The following URI1 variants were observed in gnomAD, a reference collection of about 807,000 sequenced individuals.
URI1 encodes URI1 prefoldin like chaperone, also known as unconventional prefoldin RPB5 interactor 1.
Under a neutral mutation model 60.2 loss-of-function variants are expected in URI1, and 39 were observed. The observed-to-expected ratio is 0.65, with a 90% CI of 0.50 to 0.85. The LOEUF is 0.85. URI1 is among the 40% of genes least tolerant of loss of function. The probability of loss-of-function intolerance (pLI) is 0.00; values close to 1 mark genes in which losing one functional copy is unlikely to be tolerated. For synonymous variants in URI1, 251 were observed against 236.8 expected (o/e 1.06, Z -0.55); for missense variants, 691 against 665.9 (o/e 1.04, Z -0.42).
At chr19:29,990,617 A>G (rs1037987590) in intron 4 of URI1, among the ~76,000 whole-genome samples, 19 of 152,222 alleles carry the variant, frequency 1.2e-4, no homozygotes, top group African/African-American at 4.6e-4. Context: ...ACCAGTCACA[A>G]AAGACCATAT....
chr19:29,938,957 T>G (rs1267723869), upstream of URI1, among the ~76,000 whole-genome samples: 1 of 147,814 alleles, frequency 6.8e-6, no homozygotes, highest in Admixed American at 6.8e-5. Flanking sequence ...ATTACAGACA[T>G]GAGCCACTGT....
intron 4 of URI1, among the ~76,000 whole-genome samples, chr19:29,995,201 C>G (rs1007517194): frequency 6.6e-6 from 1 of 152,132 alleles, no homozygotes; most frequent in Middle Eastern, 3.4e-3. Context: ...ACACTTGTTA[C>G]TATATTTTTT....
At chr19:29,996,287 A>G (rs1025812954) in intron 4 of URI1, among the ~76,000 whole-genome samples, 4 of 152,110 alleles carry the variant, frequency 2.6e-5, no homozygotes, top group African/African-American at 7.2e-5. Context: ...GCAACACTTT[A>G]TAGTTTTTAG....
chr19:30,005,234 T>G, intron 4 of URI1, 127 bp from the exon 5 acceptor site: 1 of 562,112 alleles, frequency 1.8e-6, no homozygotes, highest in Non-Finnish European at 3.1e-6. Context: ...AAAAGGAAAA[T>G]AGTGTAAGAT....
chr19:29,986,283 T>C lies in URI1; in HGVS notation c.233T>C (p.Val78Ala). The C allele has an allele frequency of 6.3e-7, 1 of 1,582,408 alleles. No individual in the cohort carries two copies. The highest frequency in any genetic ancestry group is 8.5e-7 in the Non-Finnish European group (1 of 1,171,798). The change falls in exon 4 of 11, where the codon GTA (valine) becomes GCA (alanine). Residue 78 changes from valine to alanine, a missense_variant and splice_region_variant. Transcript: ENST00000392271. ...LPDKLSYNIM[V>A]PFGPFAFMPG... Reference sequence around the variant, plus strand: ...TTTTTCTTTTTTTTTAAACAATAGGTACCATTTGGCCCTTTTGCCTTCATG... The same window carrying C: ...TTTTTCTTTTTTTTTAAACAATAGGCACCATTTGGCCCTTTTGCCTTCATG...
intron 4 of URI1, among the ~76,000 whole-genome samples, chr19:29,990,807 A>C (rs1307934451): frequency 1.3e-5 from 2 of 152,212 alleles, no homozygotes; most frequent in African/African-American, 2.4e-5. Flanking sequence ...TGGTTGCACA[A>C]CCCTTTGAAT....
chr19:29,998,934 G>A (rs1274303856), intron 4 of URI1, among the ~76,000 whole-genome samples: 3 of 151,260 alleles, frequency 2.0e-5, no homozygotes, highest in African/African-American at 7.3e-5. Context: ...TATGGTGAAT[G>A]GTTTTGATCT....
In URI1 at chr19:30,012,311, AAT is replaced by A; in HGVS notation, c.1208_1209del (p.Tyr403CysfsTer12). 6.2e-7 allele frequency: 1 copy of A among 1,614,028 alleles called. No individual in the cohort carries two copies. Among genetic ancestry groups the A allele is most frequent in the Non-Finnish European group, 8.5e-7 (1 of 1,179,922 alleles). On this transcript the variant is annotated frameshift_variant, in exon 10 of 11. Transcript: ENST00000392271. LOFTEE classifies it high-confidence loss of function. Reference sequence around the variant, plus strand: ...GCCTTTGTTGATGTTGTGAATGGAGAATATGTCCCTCGCAAATCCATCCTGAA... The same window carrying A: ...GCCTTTGTTGATGTTGTGAATGGAGAATGTCCCTCGCAAATCCATCCTGAA...
At chr19:29,971,322 T>C in intron 2 of URI1, 95 bp downstream of exon 2, 1 of 1,228,004 alleles carries the variant, frequency 8.1e-7, no homozygotes, top group Admixed American at 1.9e-5. Context: ...TGTGTGTGTA[T>C]GTATGACTAG....
intron 1 of URI1, among the ~76,000 whole-genome samples, chr19:29,961,869 G>C (rs1251344887): frequency 1.3e-5 from 2 of 151,918 alleles, no homozygotes; most frequent in Admixed American, 1.3e-4. Flanking sequence ...GTGTTTAGTA[G>C]AGTTGGGGTT....
At chr19:30,007,449 T>G (rs201914653) in intron 6 of URI1, 21 bp from the exon 7 acceptor site, 29 of 1,609,612 alleles carry the variant, frequency 1.8e-5, no homozygotes, top group Non-Finnish European at 2.5e-5. Flanking sequence ...AACAGCCACG[T>G]CTTTTCCTTT....
intron 1 of URI1, among the ~76,000 whole-genome samples, chr19:29,962,924 CTGTTA>C (rs1341809578): frequency 6.6e-6 from 1 of 152,138 alleles, no homozygotes; most frequent in Non-Finnish European, 1.5e-5. Flanking sequence ...TCAAGATACT[CTGTTA>C]TCTTTCACTT....
chr19:30,001,534 T>C (rs2145421475), intron 4 of URI1, among the ~76,000 whole-genome samples: 1 of 152,000 alleles, frequency 6.6e-6, no homozygotes, highest in Admixed American at 6.6e-5. Flanking sequence ...TGTGAATCTT[T>C]TGTTTAAGCA....
At chr19:30,011,619 GTT>G (rs1254340250) in intron 9 of URI1, among the ~76,000 whole-genome samples, 4 of 137,786 alleles carry the variant, frequency 2.9e-5, no homozygotes, top group East Asian at 2.1e-4. Context: ...ACTGTTGCAG[GTT>G]TTTTTTTTTT....
At chr19:29,933,913 A>G (rs1413630516) in intron 1 of URI1, among the ~76,000 whole-genome samples, 1 of 139,862 alleles carries the variant, frequency 7.1e-6, no homozygotes, top group Non-Finnish European at 1.5e-5. Flanking sequence ...AATCTTTGTT[A>G]TTCCTTCTTT....
chr19:29,947,641 T>C (rs1389330499), intron 1 of URI1, among the ~76,000 whole-genome samples: 3 of 152,356 alleles, frequency 2.0e-5, no homozygotes, highest in African/African-American at 4.8e-5. Context: ...CCTGCTCATC[T>C]GTTAACTACT....
At chr19:29,990,145 C>A (rs148521216) in intron 4 of URI1, among the ~76,000 whole-genome samples, 18 of 152,266 alleles carry the variant, frequency 1.2e-4, no homozygotes, top group Non-Finnish European at 2.6e-4. Context: ...AAATACTGTT[C>A]TGTCTCCATT....
At chr19:29,971,280 C>G (rs1568423739) in intron 2 of URI1, 53 bp downstream of exon 2, 3 of 1,573,764 alleles carry the variant, frequency 1.9e-6, no homozygotes, top group African/African-American at 2.7e-5. Context: ...GGGTAACCTA[C>G]TTGTGTTCAA....
At chr19:29,949,172 G>A (rs917207308) in intron 1 of URI1, among the ~76,000 whole-genome samples, 8 of 149,812 alleles carry the variant, frequency 5.3e-5, no homozygotes, top group African/African-American at 2.0e-4. Flanking sequence ...GTGGGGCAGA[G>A]GGGGCTCCTG....
Sources: gnomAD v4.1 joint callset for allele counts (sites outside exome capture counted in the v4.1 genomes callset) on GRCh38, gnomAD v4.1.1 for gene constraint, MANE v1.5 for transcripts, NCBI Gene and HGNC (gene_info 2026-07-23, HGNC 2026-07-21) for gene names.